KCNMA1: variants seen among roughly 807,000 people sequenced by gnomAD.
KCNMA1 encodes Calcium-activated potassium channel subunit alpha-1.
KCNMA1 carries 29 observed loss-of-function variants against 140.0 expected under a neutral mutation model. The observed-to-expected ratio is 0.21, with a 90% CI of 0.15 to 0.28. The LOEUF is 0.28. KCNMA1 is among the 10% of genes least tolerant of loss of function. The pLI is 1.00. For missense variants in KCNMA1, 880 were observed against 1,602.2 expected (o/e 0.55, Z 7.70); for synonymous variants, 612 against 611.9 (o/e 1.00, Z 0.00).
At chr10:77,178,301 A>C (rs1456303903) in intron 5 of KCNMA1, among the ~76,000 whole-genome samples, 1 of 152,208 alleles carries the variant, frequency 6.6e-6, no homozygotes, top group East Asian at 1.9e-4. Context: ...CTCTCATCCC[A>C]GTGCTGAGCA....
chr10:76,926,810 T>C (rs970388324), intron 23 of KCNMA1, among the ~76,000 whole-genome samples: 2 of 152,064 alleles, frequency 1.3e-5, no homozygotes, highest in Admixed American at 1.3e-4. Context: ...TCAACAAACA[T>C]ATCAACATTT....
At chr10:76,879,568 C>G (rs1311426924) in intron 29 of KCNMA1, among the ~76,000 whole-genome samples, 1 of 151,576 alleles carries the variant, frequency 6.6e-6, no homozygotes, top group Non-Finnish European at 1.5e-5. Context: ...ATCTTTTTGT[C>G]AAGCAGAGTT....
chr10:77,287,563 A>C (rs147161978), intron 2 of KCNMA1, among the ~76,000 whole-genome samples: 11 of 152,356 alleles, frequency 7.2e-5, no homozygotes, highest in Admixed American at 2.0e-4. Context: ...TGAACTAAGC[A>C]AAAGCCAAAA....
intron 21 of KCNMA1, among the ~76,000 whole-genome samples, chr10:76,952,361 A>C (rs2066598454): frequency 6.6e-6 from 1 of 152,186 alleles, no homozygotes; most frequent in African/African-American, 2.4e-5. Flanking sequence ...TCTACTAAAA[A>C]TACAAAAAAA....
At chr10:77,059,049 A>G (rs1205973331) in intron 14 of KCNMA1, among the ~76,000 whole-genome samples, 2 of 152,026 alleles carry the variant, frequency 1.3e-5, no homozygotes, top group Admixed American at 1.3e-4. Flanking sequence ...CATTAAAAGG[A>G]CAATAATGGG....
chr10:77,192,551 T>C (rs1229301075), intron 3 of KCNMA1, among the ~76,000 whole-genome samples: 1 of 152,170 alleles, frequency 6.6e-6, no homozygotes, highest in East Asian at 1.9e-4. Flanking sequence ...AGCAAATAAT[T>C]TGACCTCTTC....
intron 1 of KCNMA1, among the ~76,000 whole-genome samples, chr10:77,426,047 CG>C (rs2096980943): frequency 1.3e-5 from 2 of 152,290 alleles, no homozygotes; most frequent in South Asian, 4.1e-4. Context: ...CCAGAATAAT[CG>C]GGGCCTGGCT....
At position 77,090,527 on chromosome 10, in the gene KCNMA1, A is replaced by T. The variant is rs1198533344; in HGVS notation, c.1224-17T>A. The T allele has an allele frequency of 1.3e-6, 2 of 1,548,694 alleles. No individual in the cohort carries two copies. The highest frequency in any genetic ancestry group is 2.7e-5 in the African/African-American group (2 of 73,630). On this transcript the variant is annotated splice_polypyrimidine_tract_variant and intron_variant, in intron 9 of 27. Coordinates refer to ENST00000286628, the MANE Select transcript of KCNMA1 (RefSeq NM_001161352.2). ...ACAATGTGCCTGAACAGGAGAGGCC[A>T]GTTAGATCAGGCCAGGCACCACGAC...
chr10:77,409,542 G>T (rs576515643), intron 1 of KCNMA1, among the ~76,000 whole-genome samples: 1 of 152,322 alleles, frequency 6.6e-6, no homozygotes, highest in African/African-American at 2.4e-5. Context: ...GGAGTTCAGG[G>T]TGTTCCTAGG....
chr10:77,443,060 C>A (rs866924001), intron 1 of KCNMA1, among the ~76,000 whole-genome samples: 2 of 152,208 alleles, frequency 1.3e-5, no homozygotes, highest in Non-Finnish European at 2.9e-5. Context: ...CATGGTGACA[C>A]CCACGATCCA....
At chr10:77,532,225 T>C (rs1325128444) in intron 1 of KCNMA1, among the ~76,000 whole-genome samples, 2 of 152,212 alleles carry the variant, frequency 1.3e-5, no homozygotes, top group South Asian at 4.1e-4. Context: ...TCCCCCCGTG[T>C]GTCACGCAAT....
chr10:77,635,148 C>T (rs577564198), intron 1 of KCNMA1: 10 of 152,260 alleles, frequency 6.6e-5, no homozygotes, highest in African/African-American at 2.2e-4. Context: ...TTTTTCTAAT[C>T]GTTGCCAAAA....
chr10:77,050,274 TA>T (rs1325905530), intron 14 of KCNMA1, among the ~76,000 whole-genome samples: 92 of 125,260 alleles, frequency 7.3e-4, no homozygotes, highest in Middle Eastern at 4.3e-3. Flanking sequence ...TGATCTTTTC[TA>T]AAAAAAAAAA....
intron 29 of KCNMA1, among the ~76,000 whole-genome samples, chr10:76,878,304 G>C (rs764355556): frequency 6.6e-6 from 1 of 152,126 alleles, no homozygotes; most frequent in South Asian, 2.1e-4. Flanking sequence ...TGAGTGGAAC[G>C]GAAGGGCACC....
rs1224895399 is a variant in KCNMA1, at chr10:77,090,542, G to A, written c.1224-32C>T. 2.8e-6 allele frequency: 4 copies of A among 1,450,972 alleles called. No homozygotes were observed. In the Admixed American group the frequency reaches 5.0e-5, roughly 18 times the overall value. 89.9% of individuals were successfully genotyped at this position (1,450,972 alleles called of 1,614,324 possible). On this transcript the variant is annotated intron_variant, in intron 9 of 27. Coordinates refer to ENST00000286628, the MANE Select transcript of KCNMA1 (RefSeq NM_001161352.2). ...AGGAGAGGCCAGTTAGATCAGGCCA[G>A]GCACCACGACAGGACCCTGCATCCC...
chr10:77,443,010 T>C (rs1318235170), intron 1 of KCNMA1, among the ~76,000 whole-genome samples: 3 of 152,182 alleles, frequency 2.0e-5, no homozygotes, highest in Non-Finnish European at 2.9e-5. Context: ...CTAATGCTTG[T>C]TTGTTTTTTC....
At chr10:77,606,673 G>A (rs7912978) in intron 1 of KCNMA1, among the ~76,000 whole-genome samples, 6,175 of 152,166 alleles carry the variant, frequency 0.041, 132 homozygotes, top group African/African-American at 0.049. Flanking sequence ...GGCAGTGCCC[G>A]TCTTCCTAAG....
intron 10 of KCNMA1, among the ~76,000 whole-genome samples, chr10:77,088,990 G>T (rs1247998225): frequency 1.3e-5 from 2 of 152,214 alleles, no homozygotes; most frequent in Non-Finnish European, 2.9e-5. Flanking sequence ...CCCAACTCAT[G>T]TGGGGGCACA....
chr10:77,035,164 A>G (rs550860700), intron 15 of KCNMA1, among the ~76,000 whole-genome samples: 2 of 152,356 alleles, frequency 1.3e-5, no homozygotes, highest in Admixed American at 1.3e-4. Context: ...TGTAACTGGA[A>G]AATCTCGGAG....
Sources: allele counts gnomAD v4.1 joint callset (sites outside exome capture counted in the v4.1 genomes callset), GRCh38; gene constraint gnomAD v4.1.1; transcripts MANE v1.5; gene names NCBI Gene and HGNC (gene_info 2026-07-23, HGNC 2026-07-21).